The following MECOM variants were observed in gnomAD, a reference collection of about 807,000 sequenced individuals.
The protein encoded by MECOM is MDS1 and EVI1 complex locus.
MECOM carries 13 observed loss-of-function variants against 116.3 expected under a neutral mutation model. The observed-to-expected ratio is 0.11, with a 90% CI of 0.07 to 0.18. The LOEUF (loss-of-function observed/expected upper bound fraction) is 0.18, where lower values mean the gene tolerates loss of function less well. Ranked by LOEUF, MECOM falls within the 10% of genes least tolerant of loss-of-function variation. MECOM has a pLI of 1.00. For missense variants in MECOM, 1,299 were observed against 1,509.0 expected (o/e 0.86, Z 2.31); for synonymous variants, 528 against 535.2 (o/e 0.99, Z 0.19).
intron 1 of MECOM, among the ~76,000 whole-genome samples, chr3:169,407,083 A>G (rs949092493): frequency 6.6e-6 from 1 of 151,906 alleles, no homozygotes; most frequent in African/African-American, 2.4e-5. Context: ...TCCTGACCTC[A>G]TGCTCCACCC....
intron 1 of MECOM, among the ~76,000 whole-genome samples, chr3:169,465,313 G>T (rs1371363047): frequency 6.6e-6 from 1 of 152,110 alleles, no homozygotes; most frequent in Non-Finnish European, 1.5e-5. Context: ...GTAAAACTGG[G>T]ATAATAATAT....
chr3:169,374,735 A>G (rs768601259), intron 2 of MECOM, among the ~76,000 whole-genome samples: 3 of 151,952 alleles, frequency 2.0e-5, no homozygotes, highest in Non-Finnish European at 4.4e-5. Context: ...ATATATTGTA[A>G]TTAGAAAGAA....
chr3:169,092,036 T>TTA (rs1383255602), intron 14 of MECOM, among the ~76,000 whole-genome samples: 4 of 152,132 alleles, frequency 2.6e-5, no homozygotes, highest in Non-Finnish European at 5.9e-5. Context: ...AGATATTTAA[T>TTA]TATAGCTTAC....
intron 1 of MECOM, among the ~76,000 whole-genome samples, chr3:169,434,983 A>G (rs549398559): frequency 6.6e-6 from 1 of 152,204 alleles, no homozygotes; most frequent in Non-Finnish European, 1.5e-5. Flanking sequence ...AGGCTAGTAC[A>G]GTATGGGAAG....
intron 7 of MECOM, among the ~76,000 whole-genome samples, chr3:169,118,969 A>G (rs147157065): frequency 6.6e-6 from 1 of 152,154 alleles, no homozygotes; most frequent in African/African-American, 2.4e-5. Flanking sequence ...CTCTACTGTA[A>G]TTTTCTCAGT....
chr3:169,394,349 T>C (rs1451457486), intron 1 of MECOM, among the ~76,000 whole-genome samples: 4 of 152,212 alleles, frequency 2.6e-5, no homozygotes, highest in African/African-American at 9.6e-5. Context: ...TTAACTTATG[T>C]AATATAAGGC....
In MECOM at chr3:169,612,055, T is replaced by C. The variant is rs531125364; in HGVS notation, c.37+51281A>G. On this transcript the variant is annotated intron_variant, in intron 1 of 16. Coordinates refer to ENST00000651503, the MANE Select transcript of MECOM (RefSeq NM_004991.4). ...AGCCAACCTCCCGAATCTCTAGTTA[T>C]GAGTTATGACAACCAAAAATTTCTC... Among the ~76,000 whole-genome samples the C allele has an allele frequency of 5.9e-5, 9 of 152,330 alleles. No homozygotes were observed. In the East Asian group the frequency reaches 1.3e-3, roughly 23 times the overall value.
intron 12 of MECOM, among the ~76,000 whole-genome samples, chr3:169,096,406 G>A (rs1721504942): frequency 6.6e-6 from 1 of 151,830 alleles, no homozygotes; most frequent in South Asian, 2.1e-4. Context: ...GAGTAGCTGG[G>A]GTTACAGGCA....
intron 1 of MECOM, among the ~76,000 whole-genome samples, chr3:169,492,735 G>A (rs947603460): frequency 6.6e-6 from 1 of 152,154 alleles, no homozygotes; most frequent in Non-Finnish European, 1.5e-5. Flanking sequence ...GCCGAGGCGG[G>A]CAGATCACTT....
At chr3:169,423,271 G>A (rs966093837) in intron 1 of MECOM, among the ~76,000 whole-genome samples, 4 of 152,060 alleles carry the variant, frequency 2.6e-5, no homozygotes, top group Admixed American at 2.6e-4. Context: ...TTCACACATC[G>A]AGGTATCAAC....
intron 2 of MECOM, among the ~76,000 whole-genome samples, chr3:169,333,365 G>C (rs772020070): frequency 6.8e-4 from 103 of 152,060 alleles, no homozygotes; most frequent in Non-Finnish European, 7.5e-4. Flanking sequence ...CTGTATTTTA[G>C]GAATTAAATA....
At chr3:169,645,347 C>T (rs908631637) in intron 1 of MECOM, among the ~76,000 whole-genome samples, 1 of 152,094 alleles carries the variant, frequency 6.6e-6, no homozygotes, top group African/African-American at 2.4e-5. Flanking sequence ...ATTCCCATTG[C>T]TTCCTTTGCA....
At chr3:169,596,804 A>T (rs925764058) in intron 1 of MECOM, among the ~76,000 whole-genome samples, 3 of 152,168 alleles carry the variant, frequency 2.0e-5, no homozygotes, top group African/African-American at 7.2e-5. Flanking sequence ...CAACCTCCCC[A>T]ATATAAATAT....
chr3:169,107,838 AT>A (rs1725935418), intron 10 of MECOM, 87 bp downstream of exon 10: 2 of 1,101,448 alleles, frequency 1.8e-6, no homozygotes, highest in African/African-American at 3.2e-5. Flanking sequence ...GTTCAGAATT[AT>A]TTATGTCTGT....
chr3:169,324,915 C>T (rs1200296576), intron 2 of MECOM, among the ~76,000 whole-genome samples: 1 of 152,258 alleles, frequency 6.6e-6, no homozygotes, highest in African/African-American at 2.4e-5. Context: ...CTCATCTCAG[C>T]AAAATCAAAT....
chr3:169,339,530 C>T (rs865842992), intron 2 of MECOM, among the ~76,000 whole-genome samples: 2 of 152,170 alleles, frequency 1.3e-5, no homozygotes, highest in Non-Finnish European at 2.9e-5. Flanking sequence ...AGTGTGATCC[C>T]TGGACCAGCA....
At chr3:169,467,898 T>C (rs1483886961) in intron 1 of MECOM, among the ~76,000 whole-genome samples, 1 of 152,188 alleles carries the variant, frequency 6.6e-6, no homozygotes, top group Non-Finnish European at 1.5e-5. Flanking sequence ...CACCATGGAA[T>C]AGGGATGTAA....
intron 2 of MECOM, among the ~76,000 whole-genome samples, chr3:169,272,495 C>T (rs962105878): frequency 2.0e-5 from 3 of 151,924 alleles, no homozygotes; most frequent in Non-Finnish European, 4.4e-5. Flanking sequence ...GCAGAAGGAA[C>T]CTGGTCATAG....
At chr3:169,488,635 A>T (rs930316876) in intron 1 of MECOM, among the ~76,000 whole-genome samples, 10 of 152,106 alleles carry the variant, frequency 6.6e-5, no homozygotes, top group Non-Finnish European at 1.5e-4. Context: ...TTAACCACAA[A>T]GAAAGCACAG....
Sources: allele counts gnomAD v4.1 joint callset (sites outside exome capture counted in the v4.1 genomes callset), GRCh38; gene constraint gnomAD v4.1.1; transcripts MANE v1.5; gene names NCBI Gene and HGNC (gene_info 2026-07-23, HGNC 2026-07-21).